The following PDE11A variants were observed in gnomAD, a reference collection of about 807,000 sequenced individuals.
PDE11A encodes phosphodiesterase 11A, also known as dual 3',5'-cyclic-AMP and -GMP phosphodiesterase 11A.
A neutral mutation model predicts 100.5 loss-of-function variants in PDE11A; 100 were observed. The observed-to-expected ratio is 1.00, with a 90% confidence interval of 0.85 to 1.18. The LOEUF (loss-of-function observed/expected upper bound fraction) is 1.18. PDE11A is among the 50% of genes most tolerant of loss of function. The pLI is 0.00. For missense variants in PDE11A, 1,141 were observed against 1,152.6 expected (o/e 0.99, Z 0.15); for synonymous variants, 381 against 420.8 (o/e 0.91, Z 1.16).
intron 13 of PDE11A, among the ~76,000 whole-genome samples, chr2:177,708,093 G>A (rs1442748539): frequency 6.6e-6 from 1 of 152,104 alleles, no homozygotes; most frequent in Non-Finnish European, 1.5e-5. Flanking sequence ...AGGAGCAATC[G>A]GACCCTACAA....
chr2:177,692,960 C>A (rs1002156453), intron 15 of PDE11A, among the ~76,000 whole-genome samples: 1 of 152,176 alleles, frequency 6.6e-6, no homozygotes, highest in East Asian at 1.9e-4. Flanking sequence ...AAAGGCAGGG[C>A]TCTACCCTGC....
At chr2:177,775,156 T>C (rs374638483) in intron 9 of PDE11A, among the ~76,000 whole-genome samples, 6 of 152,186 alleles carry the variant, frequency 3.9e-5, no homozygotes, top group African/African-American at 1.4e-4. Flanking sequence ...TACATACATC[T>C]TGAATTTTGC....
At chr2:177,844,529 T>TA (rs2083548239) in intron 5 of PDE11A, among the ~76,000 whole-genome samples, 1 of 149,236 alleles carries the variant, frequency 6.7e-6, no homozygotes, top group South Asian at 2.1e-4. Context: ...TTTTTTTTTT[T>TA]AATTAATTAA....
intron 2 of PDE11A, among the ~76,000 whole-genome samples, chr2:178,098,817 G>A (rs1053497607): frequency 1.1e-4 from 17 of 152,122 alleles, no homozygotes; most frequent in Admixed American, 1.0e-3. Context: ...GATTCAATGT[G>A]TTCCTACTGC....
chr2:177,921,263 AT>A, intron 2 of PDE11A, among the ~76,000 whole-genome samples: 1 of 151,710 alleles, frequency 6.6e-6, no homozygotes, highest in South Asian at 2.1e-4. Context: ...ATAAATTTTA[AT>A]ATTATTTTCC....
At chr2:177,915,572 C>T (rs1574275609) in intron 2 of PDE11A, among the ~76,000 whole-genome samples, 1 of 151,970 alleles carries the variant, frequency 6.6e-6, no homozygotes, top group African/African-American at 2.4e-5. Context: ...CTGGATATAC[C>T]CATGTTTGTT....
intron 19 of PDE11A, among the ~76,000 whole-genome samples, chr2:177,635,075 T>C (rs1400556148): frequency 6.6e-6 from 1 of 152,210 alleles, no homozygotes; most frequent in East Asian, 1.9e-4. Flanking sequence ...CAGCTACCGT[T>C]GAAACCCTTT....
intron 2 of PDE11A, among the ~76,000 whole-genome samples, chr2:178,011,749 C>T (rs1232720719): frequency 6.6e-6 from 1 of 152,112 alleles, no homozygotes; most frequent in East Asian, 1.9e-4. Context: ...AAGTTCTTTC[C>T]CCGGATTCTC....
intron 4 of PDE11A, among the ~76,000 whole-genome samples, chr2:177,890,951 T>C (rs2084519832): frequency 6.6e-6 from 1 of 152,238 alleles, no homozygotes; most frequent in Admixed American, 6.5e-5. Flanking sequence ...ATTGTTTCTA[T>C]GAATATAGTC....
At chr2:178,074,964 T>G (rs191061653), upstream of PDE11A, among the ~76,000 whole-genome samples, 1 of 152,262 alleles carries the variant, frequency 6.6e-6, no homozygotes, top group African/African-American at 2.4e-5. Flanking sequence ...GTGGCCACAT[T>G]GCCATTTATC....
chr2:177,647,783 C>T (rs1211647509), intron 19 of PDE11A, among the ~76,000 whole-genome samples: 1 of 152,182 alleles, frequency 6.6e-6, no homozygotes, highest in Admixed American at 6.5e-5. Flanking sequence ...TGGTCTCTCT[C>T]CCTATGGCAA....
intron 5 of PDE11A, among the ~76,000 whole-genome samples, chr2:177,842,077 A>C (rs372861366): frequency 1.3e-5 from 2 of 152,216 alleles, no homozygotes; most frequent in African/African-American, 4.8e-5. Flanking sequence ...TATGGGCTAA[A>C]TTCTGACCTT....
intron 5 of PDE11A, among the ~76,000 whole-genome samples, chr2:177,875,220 C>T (rs1013260563): frequency 8.6e-5 from 13 of 151,218 alleles, no homozygotes; most frequent in African/African-American, 1.9e-4. Flanking sequence ...CGAGACTCCA[C>T]GTTAAAAAAC....
chr2:178,100,846 C>T (rs1333862146), intron 2 of PDE11A, among the ~76,000 whole-genome samples: 1 of 152,098 alleles, frequency 6.6e-6, no homozygotes, highest in African/African-American at 2.4e-5. Context: ...AAACTACTGG[C>T]AGTTAGAGGA....
chr2:177,718,093 A>C (rs2081469641), intron 12 of PDE11A, among the ~76,000 whole-genome samples: 1 of 152,230 alleles, frequency 6.6e-6, no homozygotes, highest in African/African-American at 2.4e-5. Context: ...GGTAGATTTG[A>C]GAAGAGGCCT....
At chr2:178,022,447 T>C (rs116162266) in intron 1 of PDE11A, among the ~76,000 whole-genome samples, 2,034 of 151,418 alleles carry the variant, frequency 0.013, 39 homozygotes, top group African/African-American at 0.048. Context: ...AAAAAGAAGT[T>C]TGATAGATTT....
rs192489740 is a variant in PDE11A, at chr2:177,941,067, C to T, written c.1072-35880G>A. Among the ~76,000 whole-genome samples the T allele has an allele frequency of 1.2e-3, 190 of 152,284 alleles. 1 individual carries two copies. The highest frequency in any genetic ancestry group is 4.4e-3 in the African/African-American group (184 of 41,564). The stretch of plus-strand genomic sequence containing the variant: ...CCAGCTGAACTCCAGGTAATGAAAG[C>T]GCCTTTCTCAGCTTTCCTGCCAGCA... On this transcript the variant is annotated intron_variant, in intron 2 of 19. Transcript: ENST00000286063.
chr2:178,009,205 A>G (rs962355646), intron 2 of PDE11A, among the ~76,000 whole-genome samples: 8 of 152,182 alleles, frequency 5.3e-5, no homozygotes, highest in Admixed American at 1.3e-4. Context: ...CCTTCCATCA[A>G]TCACCCAGGA....
chr2:177,797,881 T>C (rs2082727518), intron 9 of PDE11A, among the ~76,000 whole-genome samples: 2 of 152,240 alleles, frequency 1.3e-5, no homozygotes, highest in Non-Finnish European at 2.9e-5. Context: ...GCTGCCAACA[T>C]GATCTCTCTA....
Sources: gnomAD v4.1 joint callset for allele counts (sites outside exome capture counted in the v4.1 genomes callset) on GRCh38, gnomAD v4.1.1 for gene constraint, MANE v1.5 for transcripts, NCBI Gene and HGNC (gene_info 2026-07-23, HGNC 2026-07-21) for gene names.